The following ZNF521 variants were observed in gnomAD, a reference collection of about 807,000 sequenced individuals.
The protein encoded by ZNF521 is LYST-interacting protein 3.
Under a neutral mutation model 105.5 loss-of-function variants are expected in ZNF521, and 14 were observed. The observed-to-expected ratio is 0.13, with a 90% CI of 0.09 to 0.21. The LOEUF is 0.21. ZNF521 is among the 10% of genes least tolerant of loss of function. The pLI is 1.00. For synonymous variants in ZNF521, 635 were observed against 606.0 expected, an observed-to-expected ratio of 1.05 and a Z score of -0.70; for missense variants, 1,233 against 1,629.7, an observed-to-expected ratio of 0.76 and a Z score of 4.19.
intron 5 of ZNF521, among the ~76,000 whole-genome samples, chr18:25,102,183 A>G (rs1173315137): frequency 6.6e-6 from 1 of 152,186 alleles, no homozygotes; most frequent in Non-Finnish European, 1.5e-5. Flanking sequence ...AGAAATCTGA[A>G]ATGTGATATG....
intron 4 of ZNF521, chr18:25,201,349 C>T (rs1294600190): frequency 6.6e-6 from 1 of 152,172 alleles, no homozygotes; most frequent in East Asian, 1.9e-4. Context: ...GAAATTTCCT[C>T]CCAGGCCCTG....
intron 5 of ZNF521, among the ~76,000 whole-genome samples, chr18:25,138,564 C>T (rs1484120884): frequency 1.3e-5 from 2 of 152,016 alleles, no homozygotes; most frequent in African/African-American, 4.8e-5. Flanking sequence ...AAGAAAGGAG[C>T]TGATTTCATC....
At chr18:25,140,828 A>G (rs2034833468) in intron 5 of ZNF521, among the ~76,000 whole-genome samples, 1 of 152,178 alleles carries the variant, frequency 6.6e-6, no homozygotes, top group African/African-American at 2.4e-5. Context: ...TGATGCCAAG[A>G]TTACAGAATA....
At chr18:25,232,274 G>A (rs1036632526) in intron 3 of ZNF521, among the ~76,000 whole-genome samples, 1 of 152,192 alleles carries the variant, frequency 6.6e-6, no homozygotes, top group African/African-American at 2.4e-5. Context: ...GCAATATGAA[G>A]ATAAGAATTC....
At chr18:25,335,353 G>A (rs2145189597) in intron 2 of ZNF521, among the ~76,000 whole-genome samples, 1 of 152,188 alleles carries the variant, frequency 6.6e-6, no homozygotes, top group Middle Eastern at 3.4e-3. Flanking sequence ...ACAGCAAGTG[G>A]GTCATCTCTA....
intron 3 of ZNF521, among the ~76,000 whole-genome samples, chr18:25,310,602 T>G (rs1189002902): frequency 2.6e-5 from 4 of 152,164 alleles, no homozygotes; most frequent in African/African-American, 9.6e-5. Flanking sequence ...AGCCATCAAT[T>G]AATAGAATAT....
chr18:25,244,328 C>A (rs1271599922), intron 3 of ZNF521, among the ~76,000 whole-genome samples: 1 of 151,584 alleles, frequency 6.6e-6, no homozygotes, highest in African/African-American at 2.4e-5. Flanking sequence ...ACCCTTTATA[C>A]CACCCCACAT....
intron 5 of ZNF521, among the ~76,000 whole-genome samples, chr18:25,138,328 C>G (rs10775512): frequency 0.46 from 70,261 of 151,892 alleles, 16,500 homozygotes; most frequent in South Asian, 0.56. Flanking sequence ...TTTTGAGGTT[C>G]AAAATTTTGA....
At chr18:25,157,792 C>G (rs187754534) in intron 5 of ZNF521, among the ~76,000 whole-genome samples, 1 of 151,790 alleles carries the variant, frequency 6.6e-6, no homozygotes, top group Non-Finnish European at 1.5e-5. Context: ...GCACTGTCAT[C>G]CAGGCTGGAG....
At chr18:25,083,592 T>C (rs993853528) in intron 7 of ZNF521, among the ~76,000 whole-genome samples, 2 of 152,214 alleles carry the variant, frequency 1.3e-5, no homozygotes, top group Non-Finnish European at 2.9e-5. Context: ...GGAAGATTTA[T>C]AACAATTGAT....
At chr18:25,205,375 A>C (rs1271714810) in intron 4 of ZNF521, among the ~76,000 whole-genome samples, 1 of 152,186 alleles carries the variant, frequency 6.6e-6, no homozygotes, top group Non-Finnish European at 1.5e-5. Flanking sequence ...ATATGGGTTT[A>C]AATAATCACT....
intron 5 of ZNF521, among the ~76,000 whole-genome samples, chr18:25,158,120 A>G (rs7245320): frequency 0.024 from 3,619 of 152,274 alleles, 148 homozygotes; most frequent in African/African-American, 0.083. Context: ...CCTATCTCAT[A>G]GAATAGTTGT....
At chr18:25,299,902 GCCATCC>G (rs1911536526) in intron 3 of ZNF521, among the ~76,000 whole-genome samples, 1 of 152,150 alleles carries the variant, frequency 6.6e-6, no homozygotes, top group Non-Finnish European at 1.5e-5. Flanking sequence ...AACGATAACT[GCCATCC>G]CACGTGCTCC....
chr18:25,296,628 T>G (rs897099027), intron 3 of ZNF521, among the ~76,000 whole-genome samples: 8 of 152,164 alleles, frequency 5.3e-5, no homozygotes, highest in African/African-American at 1.7e-4. Context: ...GGTCACACAA[T>G]GGTGTACACA....
chr18:25,212,382 C>G (rs893769622), intron 4 of ZNF521, among the ~76,000 whole-genome samples: 1 of 150,012 alleles, frequency 6.7e-6, no homozygotes, highest in Non-Finnish European at 1.5e-5. Context: ...TGGTGGCGCA[C>G]ACCTGTAGTC....
rs1027486425 is a variant in ZNF521, at chr18:25,091,291, T to C, written c.3790+659A>G. Among the ~76,000 whole-genome samples the C allele has an allele frequency of 4.6e-5, 7 of 152,318 alleles. No individual in the cohort carries two copies. The South Asian group carries it at 1.2e-3, about 27-fold the overall frequency. ...GGAATACCACAAATATGTGTGATCA[T>C]ATTTCAACCTCCATGGGCTTCAAAT... On this transcript the variant is annotated intron_variant, in intron 6 of 7. Coordinates refer to ENST00000361524, the MANE Select transcript of ZNF521 (RefSeq NM_015461.3).
intron 5 of ZNF521, among the ~76,000 whole-genome samples, chr18:25,110,267 C>G (rs560440376): frequency 6.6e-6 from 1 of 152,168 alleles, no homozygotes; most frequent in Admixed American, 6.5e-5. Context: ...GCTGAAACAC[C>G]GAGTCCGCTC....
At chr18:25,300,615 C>T (rs1294356806) in intron 3 of ZNF521, among the ~76,000 whole-genome samples, 2 of 152,094 alleles carry the variant, frequency 1.3e-5, no homozygotes, top group Non-Finnish European at 2.9e-5. Flanking sequence ...AAACTTTGCA[C>T]GTTATAATAT....
At position 25,226,612 on chromosome 18, in the gene ZNF521, C is replaced by T; in HGVS notation, c.1306G>A (p.Ala436Thr). 1.9e-6 allele frequency: 3 copies of T among 1,614,122 alleles called. No individual in the cohort carries two copies. Among genetic ancestry groups the T allele is most frequent in the Non-Finnish European group, 2.5e-6 (3 of 1,180,016 alleles). ...KTMHLDKPEQ[A>T]HICQYCLEVL... ...TCCAAGCAATACTGACAAATATGGG[C>T]CTGTTCTGGCTTATCTAAGTGCATA... The change falls in exon 4 of 8, where the codon GCC becomes ACC. Residue 436 changes from alanine (A) to threonine (T), a missense_variant. Physicochemically the swap from Ala to Thr is moderately conservative, Grantham distance 58. Around this residue, in one of 6 missense-constraint regions of ZNF521, gnomAD observed 380 missense variants for 478.0 expected, o/e 0.80. Transcript: ENST00000361524. This position sits in a 1 kb window ranked among gnomAD's most constrained non-coding sequence, Gnocchi z 4.1.
Sources: gnomAD v4.1 joint callset for allele counts (sites outside exome capture counted in the v4.1 genomes callset) on GRCh38, gnomAD v4.1.1 for gene constraint, gnomAD v4.1.1 regional missense constraint, Gnocchi (gnomAD v3.1) non-coding constraint, MANE v1.5 for transcripts, NCBI Gene and HGNC (gene_info 2026-07-23, HGNC 2026-07-21) for gene names.